Variants in SCN1B observed in about 807,000 individuals in gnomAD.
The protein encoded by SCN1B is sodium channel regulatory subunit beta-1.
Under a neutral mutation model 25.7 loss-of-function variants are expected in SCN1B, and 11 were observed. That is an observed-to-expected ratio of 0.43 (90% CI 0.27 to 0.71). The LOEUF (loss-of-function observed/expected upper bound fraction) is 0.71. Among genes scored for constraint, SCN1B ranks in the 30% least tolerant of loss-of-function variants. SCN1B has a pLI of 0.21. For synonymous variants in SCN1B, 119 were observed against 117.5 expected (o/e 1.01, Z -0.08); for missense variants, 224 against 291.5 (o/e 0.77, Z 1.69).
In SCN1B at chr19:35,030,848, G is replaced by A. The variant is rs72552027; in HGVS notation, c.28G>A (p.Gly10Ser). 485 of 968,158 alleles carry A rather than the reference G, an allele frequency of 5.0e-4. 6 individuals are homozygous for A. The African/African-American group carries it at 8.0e-3, about 16-fold the overall frequency. 60.0% of individuals were successfully genotyped at this position (968,158 alleles called of 1,614,324 possible). MGRLLALVV[G>S]AALVSSACGG... is the part of the protein sequence containing the mutation. ...GGGGAGGCTGCTGGCCTTAGTGGTC[G>A]GCGCGGCACTGGGTGAGTGCGCGGG... Residue 10 changes from glycine (G) to serine (S), a missense_variant, in exon 1 of 6, where the codon GGC becomes AGC. Coordinates refer to ENST00000262631, the MANE Select transcript of SCN1B (RefSeq NM_001037.5).
In SCN1B at chr19:35,032,432, G is replaced by A; in HGVS notation, c.41-96G>A. 2 of 1,442,318 alleles carry A rather than the reference G, an allele frequency of 1.4e-6. No individual in the cohort carries two copies. Among genetic ancestry groups the A allele is most frequent in the Non-Finnish European group, 1.9e-6 (2 of 1,037,520 alleles). The allele number at this position is 1,442,318 out of a possible 1,614,324, so 89.3% of individuals were successfully genotyped here. Reference sequence around the variant, plus strand: ...GCCTAGCATCCAGTCCTGTCTGCTGGTAATCATTGAGGGGGGAACAGATGG... The same window carrying A: ...GCCTAGCATCCAGTCCTGTCTGCTGATAATCATTGAGGGGGGAACAGATGG... On this transcript the variant is annotated intron_variant, in intron 1 of 5. Coordinates refer to ENST00000262631, the MANE Select transcript of SCN1B (RefSeq NM_001037.5). This position sits in a 1 kb window ranked among gnomAD's most constrained non-coding sequence, Gnocchi z 4.3.
intron 5 of SCN1B, 24 bp from the exon 6 acceptor site, chr19:35,039,773 T>C: frequency 6.7e-7 from 1 of 1,497,548 alleles, no homozygotes; most frequent in Non-Finnish European, 9.2e-7. Context: ...GGTCCCTAAT[T>C]CCCCCTCTCT....
Position 35,030,784 on chromosome 19 carries a change from C to T in SCN1B, c.-37C>T. ...CCTCTCGCCCCGCTATTAATACCGG[C>T]GGCCCGGGAGGGGGGCGCAGCACGC... On this transcript the variant is annotated 5_prime_UTR_variant, in exon 1 of 6. Coordinates refer to ENST00000262631, the MANE Select transcript of SCN1B (RefSeq NM_001037.5). The T allele has an allele frequency of 3.3e-6, 3 of 906,900 alleles. No homozygotes were observed. Among genetic ancestry groups the T allele is most frequent in the Non-Finnish European group, 4.4e-6 (3 of 677,178 alleles). The allele number at this position is 906,900 out of a possible 1,614,324, so 56.2% of individuals were successfully genotyped here. A position where few individuals can be genotyped will look rare whatever the true frequency, so the allele number is the denominator to read the frequency against.
intron 3 of SCN1B, chr19:35,034,761 C>T (rs1228225789): frequency 6.6e-6 from 1 of 152,480 alleles, no homozygotes; most frequent in Non-Finnish European, 1.5e-5. Flanking sequence ...CTCTTCCTAT[C>T]CCCATTTTAC....
In SCN1B at chr19:35,030,781, CG is replaced by C; in HGVS notation, c.-38del. 1 of 867,334 alleles carries C rather than the reference CG, an allele frequency of 1.2e-6. No homozygotes were observed. The highest frequency in any genetic ancestry group is 1.6e-6 in the Non-Finnish European group (1 of 640,898). The allele number at this position is 867,334 out of a possible 1,614,324, so 53.7% of individuals were successfully genotyped here. A position where few individuals can be genotyped will look rare whatever the true frequency, so the allele number is the denominator to read the frequency against. On this transcript the variant is annotated 5_prime_UTR_variant, in exon 1 of 6. Transcript: ENST00000262631. ...CCGCCTCTCGCCCCGCTATTAATAC[CG>C]GCGGCCCGGGAGGGGGGCGCAGCAC...
In SCN1B at chr19:35,033,965, G is replaced by A. The variant is rs757396314; in HGVS notation, c.448+226G>A. On this transcript the variant is annotated intron_variant, in intron 3 of 5. Coordinates refer to ENST00000262631, the MANE Select transcript of SCN1B (RefSeq NM_001037.5). ...CAAAGCATGCCTGTCCCCCACAGAC[G>A]CTCCGGGTACAGAACCCAGCTCTGT... 1.9e-5 allele frequency: 30 copies of A among 1,552,246 alleles called. No homozygotes were observed. The highest frequency in any genetic ancestry group is 3.9e-5 in the Admixed American group (2 of 51,030).
At chr19:35,037,195 C>T (rs1406524984) in intron 3 of SCN1B, 2 of 152,278 alleles carry the variant, frequency 1.3e-5, no homozygotes, top group African/African-American at 4.8e-5. Flanking sequence ...GTGAGAACTT[C>T]ACTGACCTGG....
At chr19:35,039,578 C>CG (rs2064272032) in intron 4 of SCN1B, 57 bp from the exon 5 acceptor site, 2 of 1,570,478 alleles carry the variant, frequency 1.3e-6, no homozygotes, top group East Asian at 4.5e-5. Flanking sequence ...CCCCATCCCC[C>CG]GGGGGTTGGG....
chr19:35,033,278 T>A (rs564333626), intron 2 of SCN1B, among the ~76,000 whole-genome samples: 7 of 152,130 alleles, frequency 4.6e-5, no homozygotes, highest in Admixed American at 2.0e-4. Context: ...AACGTGTGTG[T>A]GCTCGTGTGC....
In SCN1B at chr19:35,033,566, G is replaced by C. The variant is rs1327108796; in HGVS notation, c.275G>C (p.Trp92Ser). The C allele has an allele frequency of 6.2e-7, 1 of 1,614,078 alleles. No individual in the cohort carries two copies. Among genetic ancestry groups the C allele is most frequent in the Non-Finnish European group, 8.5e-7 (1 of 1,179,980 alleles). ...EDERFEGRVV[W>S]NGSRGTKDLQ... is the part of the protein sequence containing the mutation. ...GAGCGCTTCGAGGGCCGCGTGGTGT[G>C]GAATGGCAGCCGGGGCACCAAAGAC... The change falls in exon 3 of 6, where the codon TGG becomes TCG. Residue 92 changes from tryptophan to serine, a missense_variant. Coordinates refer to ENST00000262631, the MANE Select transcript of SCN1B (RefSeq NM_001037.5).
At chr19:35,034,216 GC>G (rs2064234622) in intron 3 of SCN1B, 1 of 1,497,670 alleles carries the variant, frequency 6.7e-7, no homozygotes, top group African/African-American at 1.4e-5. Context: ...GAGTAGCTCA[GC>G]CCTGCTGCCC....
chr19:35,035,834 T>C (rs2064244305), intron 3 of SCN1B: 1 of 152,172 alleles, frequency 6.6e-6, no homozygotes, highest in Non-Finnish European at 1.5e-5. Context: ...TTACACAATA[T>C]ATTTTACTAT....
At chr19:35,034,815 A>C (rs2064238182) in intron 3 of SCN1B, 1 of 152,396 alleles carries the variant, frequency 6.6e-6, no homozygotes, top group Non-Finnish European at 1.5e-5. Context: ...TATGTGGCCA[A>C]GGTCATGTGA....
chr19:35,035,370 A>T (rs1221553040), intron 3 of SCN1B: 1 of 151,106 alleles, frequency 6.6e-6, no homozygotes, highest in Non-Finnish European at 1.5e-5. Context: ...GCCCACTGCA[A>T]CCTCTGCCTC....
rs181800292 is a variant in SCN1B at position 35,039,025 on chromosome 19, G to T, written c.449-92G>T. On this transcript the variant is annotated intron_variant, in intron 3 of 5. Coordinates refer to ENST00000262631, the MANE Select transcript of SCN1B (RefSeq NM_001037.5). ...CATACACCAGGCCCAGGGAGGTTGA[G>T]CCACTCATCCAAGCTCACACAGCAA... 223 of 1,468,336 alleles carry T rather than the reference G, an allele frequency of 1.5e-4. No individual in the cohort carries two copies. In the Admixed American group the frequency reaches 1.8e-3, roughly 12 times the overall value. The allele number at this position is 1,468,336 out of a possible 1,614,324, so 91.0% of individuals were successfully genotyped here.
In SCN1B at chr19:35,039,927, T is replaced by TGGGAGGG; in HGVS notation, c.*139_*145dup. Reference sequence around the variant, plus strand: ...AGTCCTGCCGACGGAGCCACTGGGGTGGGAGGGGGCAGGGGGCTTGGCTCG... The same window carrying TGGGAGGG: ...AGTCCTGCCGACGGAGCCACTGGGGTGGGAGGGGGGAGGGGGCAGGGGGCTTGGCTCG... On this transcript the variant is annotated 3_prime_UTR_variant, in exon 6 of 6. Transcript: ENST00000262631. 1 of 596,444 alleles carries TGGGAGGG rather than the reference T, an allele frequency of 1.7e-6. No homozygotes were observed. Among genetic ancestry groups the TGGGAGGG allele is most frequent in the Non-Finnish European group, 3.0e-6 (1 of 336,208 alleles). The allele number at this position is 596,444 out of a possible 1,614,324, so 36.9% of individuals were successfully genotyped here.
chr19:35,034,065 A>G (rs1186656379), intron 3 of SCN1B: 2 of 1,551,360 alleles, frequency 1.3e-6, no homozygotes, highest in Admixed American at 2.0e-5. Flanking sequence ...TGCCCGGGAT[A>G]ATAATCCGAT....
chr19:35,039,952 G>A lies in SCN1B; in HGVS notation c.*161G>A. On this transcript the variant is annotated 3_prime_UTR_variant, in exon 6 of 6. Coordinates refer to ENST00000262631, the MANE Select transcript of SCN1B (RefSeq NM_001037.5). ...TGGGAGGGGGCAGGGGGCTTGGCTC[G>A]CACCCCCACTTTCGCCTCCTCCAGC... 4 of 573,358 alleles carry A rather than the reference G, an allele frequency of 7.0e-6. No homozygotes were observed. The highest frequency in any genetic ancestry group is 2.9e-5 in the East Asian group (1 of 34,192). 35.5% of individuals were successfully genotyped at this position (573,358 alleles called of 1,614,324 possible).
rs1204196773 is a variant in SCN1B at position 35,032,450 on chromosome 19, A to G, written c.41-78A>G. 3.9e-6 allele frequency: 6 copies of G among 1,532,392 alleles called. No homozygotes were observed. The highest frequency in any genetic ancestry group is 2.2e-5 in the South Asian group (2 of 89,036). 94.9% of individuals were successfully genotyped at this position (1,532,392 alleles called of 1,614,324 possible). A position where few individuals can be genotyped will look rare whatever the true frequency, so the allele number is the denominator to read the frequency against. On this transcript the variant is annotated intron_variant, in intron 1 of 5. Coordinates refer to ENST00000262631, the MANE Select transcript of SCN1B (RefSeq NM_001037.5). This position sits in a 1 kb window ranked among gnomAD's most constrained non-coding sequence, Gnocchi z 4.3. ...TCTGCTGGTAATCATTGAGGGGGGA[A>G]CAGATGGTTTGTGAGGGGTCTGGCA...
Sources: allele counts gnomAD v4.1 joint callset (sites outside exome capture counted in the v4.1 genomes callset), GRCh38; gene constraint gnomAD v4.1.1; non-coding constraint Gnocchi (gnomAD v3.1); transcripts MANE v1.5; gene names NCBI Gene and HGNC (gene_info 2026-07-23, HGNC 2026-07-21).